Variants in CHP1 observed in about 807,000 individuals in gnomAD.
CHP1 encodes the protein calcineurin B homologous protein 1.
CHP1 carries 11 observed loss-of-function variants against 27.4 expected under a neutral mutation model. That is an observed-to-expected ratio of 0.40 (90% CI 0.25 to 0.67). The LOEUF (loss-of-function observed/expected upper bound fraction) is 0.67. Ranked by LOEUF, CHP1 falls within the 30% of genes least tolerant of loss-of-function variation. The probability of loss-of-function intolerance (pLI) is 0.38; values close to 1 mark genes in which losing one functional copy is unlikely to be tolerated. For synonymous variants in CHP1, 89 were observed against 87.4 expected, an observed-to-expected ratio of 1.02 and a Z score of -0.10; for missense variants, 169 against 251.3, an observed-to-expected ratio of 0.67 and a Z score of 2.22.
intron 1 of CHP1, among the ~76,000 whole-genome samples, chr15:41,239,385 A>T (rs975469638): frequency 8.0e-5 from 12 of 149,086 alleles, no homozygotes; most frequent in Non-Finnish European, 1.5e-4. Context: ...TTAGTACATT[A>T]TTTTTTGTTA....
At chr15:41,232,003 G>T (rs901475147) in intron 1 of CHP1, among the ~76,000 whole-genome samples, 2 of 152,050 alleles carry the variant, frequency 1.3e-5, no homozygotes, top group African/African-American at 4.8e-5. Context: ...ACAATCAGGG[G>T]TCTGGGATTG....
chr15:41,263,023 G>T, intron 4 of CHP1, 140 bp downstream of exon 4: 2 of 1,121,976 alleles, frequency 1.8e-6, no homozygotes, highest in East Asian at 5.2e-5. Context: ...AACTGGCCAA[G>T]ATTAAATACT....
intron 4 of CHP1, among the ~76,000 whole-genome samples, chr15:41,270,132 C>T (rs2047481162): frequency 6.6e-6 from 1 of 152,128 alleles, no homozygotes; most frequent in Non-Finnish European, 1.5e-5. Flanking sequence ...GCCCAGGAGG[C>T]TCTATTCCCA....
intron 3 of CHP1, 123 bp from the exon 4 acceptor site, chr15:41,262,633 A>G: frequency 2.3e-6 from 3 of 1,286,666 alleles, no homozygotes; most frequent in Non-Finnish European, 3.3e-6. Context: ...ATGCGTATGG[A>G]AAGAAACCTC....
At chr15:41,248,449 G>A (rs2047347440) in intron 2 of CHP1, among the ~76,000 whole-genome samples, 1 of 151,768 alleles carries the variant, frequency 6.6e-6, no homozygotes, top group Non-Finnish European at 1.5e-5. Flanking sequence ...CATTTTTTGT[G>A]GAGACACAGT....
At chr15:41,271,126 G>C (rs1431968929) in intron 5 of CHP1, among the ~76,000 whole-genome samples, 1 of 151,992 alleles carries the variant, frequency 6.6e-6, no homozygotes, top group African/African-American at 2.4e-5. Flanking sequence ...GTGGTGGCGG[G>C]CACCTGTAGT....
chr15:41,250,829 T>G (rs2047362796), intron 2 of CHP1, among the ~76,000 whole-genome samples: 1 of 151,334 alleles, frequency 6.6e-6, no homozygotes, highest in Non-Finnish European at 1.5e-5. Context: ...CTTTCTTTCT[T>G]TCTTTCTTTT....
intron 4 of CHP1, among the ~76,000 whole-genome samples, chr15:41,263,514 CT>C (rs1247930915): frequency 6.6e-6 from 1 of 152,200 alleles, no homozygotes; most frequent in Non-Finnish European, 1.5e-5. Context: ...CCTTACAACA[CT>C]TCTCCAGGAA....
intron 2 of CHP1, among the ~76,000 whole-genome samples, chr15:41,250,565 C>T (rs1164734412): frequency 6.7e-6 from 1 of 149,010 alleles, no homozygotes; most frequent in East Asian, 2.0e-4. Flanking sequence ...GAAATTCCAT[C>T]TCAAAAATAA....
chr15:41,241,448 C>T (rs2047306648), intron 1 of CHP1, among the ~76,000 whole-genome samples: 1 of 152,214 alleles, frequency 6.6e-6, no homozygotes, highest in Non-Finnish European at 1.5e-5. Context: ...GTTCGCTCTA[C>T]AATCCCATTC....
intron 2 of CHP1, among the ~76,000 whole-genome samples, chr15:41,246,789 C>G (rs2047337142): frequency 6.6e-6 from 1 of 150,930 alleles, no homozygotes; most frequent in African/African-American, 2.4e-5. Flanking sequence ...CCTGTAGTCC[C>G]AGCTACTCGA....
At chr15:41,265,090 G>T (rs933284647) in intron 4 of CHP1, among the ~76,000 whole-genome samples, 2 of 152,046 alleles carry the variant, frequency 1.3e-5, no homozygotes, top group African/African-American at 4.8e-5. Flanking sequence ...GGCCAGGTGC[G>T]GTGGCTCACG....
At position 41,260,523 on chromosome 15, in the gene CHP1, T is replaced by C. The variant is rs375010027; in HGVS notation, c.222-2233T>C. Among the ~76,000 whole-genome samples the C allele has an allele frequency of 5.3e-5, 8 of 151,774 alleles. No individual in the cohort carries two copies. The East Asian group carries it at 9.8e-4, about 19-fold the overall frequency. ...GATTCTCCTGCCTCAGGCTCTCAAG[T>C]AGCTGGGATTACAGGCATGCACCAC... is the stretch of plus-strand genomic sequence containing the variant. On this transcript the variant is annotated intron_variant, in intron 3 of 6. Transcript: ENST00000334660.
intron 2 of CHP1, among the ~76,000 whole-genome samples, chr15:41,249,573 T>C (rs968587807): frequency 3.5e-5 from 5 of 143,536 alleles, no homozygotes; most frequent in African/African-American, 1.3e-4. Context: ...CCCGGGTTCA[T>C]GCCATTCTCA....
chr15:41,241,313 T>C (rs1474383207), intron 1 of CHP1, among the ~76,000 whole-genome samples: 1 of 152,204 alleles, frequency 6.6e-6, no homozygotes, highest in East Asian at 1.9e-4. Flanking sequence ...GGAGAGTAAT[T>C]AGTGCAGCAG....
At chr15:41,252,713 G>A (rs2047376176) in intron 2 of CHP1, among the ~76,000 whole-genome samples, 1 of 151,986 alleles carries the variant, frequency 6.6e-6, no homozygotes, top group South Asian at 2.1e-4. Flanking sequence ...GCATCCCTGT[G>A]CCCTTGAATG....
chr15:41,258,123 TACATAC>T (rs1449802718), intron 3 of CHP1, among the ~76,000 whole-genome samples: 1 of 152,148 alleles, frequency 6.6e-6, no homozygotes, highest in Non-Finnish European at 1.5e-5. Context: ...TGTACGTACA[TACATAC>T]ACATACATAC....
At chr15:41,263,967 C>T (rs1023715197) in intron 4 of CHP1, among the ~76,000 whole-genome samples, 3 of 152,116 alleles carry the variant, frequency 2.0e-5, no homozygotes, top group East Asian at 3.9e-4. Flanking sequence ...ACTCAGCTGG[C>T]TTAAACAATA....
At chr15:41,267,697 A>G (rs1286005195) in intron 4 of CHP1, among the ~76,000 whole-genome samples, 9 of 151,430 alleles carry the variant, frequency 5.9e-5, no homozygotes, top group Non-Finnish European at 1.5e-5. Context: ...AATAGCATTG[A>G]TTGAAGTAAA....
Sources: allele counts gnomAD v4.1 joint callset (sites outside exome capture counted in the v4.1 genomes callset), GRCh38; gene constraint gnomAD v4.1.1; transcripts MANE v1.5; gene names NCBI Gene and HGNC (gene_info 2026-07-23, HGNC 2026-07-21).